The following UNC13C variants were observed in gnomAD, a reference collection of about 807,000 sequenced individuals.
UNC13C encodes the protein protein unc-13 homolog C.
UNC13C carries 174 observed loss-of-function variants against 245.4 expected under a neutral mutation model. The ratio of observed to expected loss-of-function variants is 0.71; its 90% CI spans 0.63 to 0.80. UNC13C has a LOEUF of 0.80. Ranked by LOEUF, UNC13C falls within the 30% of genes least tolerant of loss-of-function variation. UNC13C has a pLI of 0.00. For missense variants in UNC13C, 2,829 were observed against 2,602.9 expected, an observed-to-expected ratio of 1.09 and a Z score of -1.89; for synonymous variants, 992 against 895.1, an observed-to-expected ratio of 1.11 and a Z score of -1.93.
At chr15:54,226,576 C>T (rs546587122) in intron 4 of UNC13C, among the ~76,000 whole-genome samples, 7 of 152,154 alleles carry the variant, frequency 4.6e-5, no homozygotes, top group Non-Finnish European at 1.0e-4. Flanking sequence ...GCCAACTGTG[C>T]TTGGCTTACG....
At chr15:54,266,159 C>T (rs2036544876) in intron 10 of UNC13C, among the ~76,000 whole-genome samples, 1 of 151,816 alleles carries the variant, frequency 6.6e-6, no homozygotes, top group Non-Finnish European at 1.5e-5. Context: ...TTTGCAAATG[C>T]TTTAAACAGG....
At chr15:53,891,241 T>C in the UNC13C span, among the ~76,000 whole-genome samples, 2 of 152,232 alleles carry the variant, frequency 1.3e-5, no homozygotes, top group African/African-American at 4.8e-5. Context: ...TTTGTTATGA[T>C]TTCCATTGTT....
intron 18 of UNC13C, among the ~76,000 whole-genome samples, chr15:54,411,126 T>TC (rs1174764776): frequency 2.0e-5 from 3 of 152,200 alleles, no homozygotes; most frequent in Non-Finnish European, 2.9e-5. Flanking sequence ...TGTGTTTATT[T>TC]CCCATCTAAT....
chr15:54,358,277 G>A (rs1375629672), intron 17 of UNC13C, among the ~76,000 whole-genome samples: 1 of 151,994 alleles, frequency 6.6e-6, no homozygotes. Flanking sequence ...CATTCTTTTT[G>A]ATTAAAATTG....
At chr15:54,445,393 G>C (rs1890752692) in intron 19 of UNC13C, among the ~76,000 whole-genome samples, 1 of 152,154 alleles carries the variant, frequency 6.6e-6, no homozygotes, top group Admixed American at 6.5e-5. Context: ...TTCTACAATG[G>C]TTGAACTAGT....
chr15:54,100,061 C>G, intron 2 of UNC13C, among the ~76,000 whole-genome samples: 1 of 145,296 alleles, frequency 6.9e-6, no homozygotes, highest in Non-Finnish European at 1.5e-5. Context: ...GATCCTGCTA[C>G]TGCTACCGCA....
chr15:54,253,616 G>A (rs1042825592), intron 8 of UNC13C, among the ~76,000 whole-genome samples: 19 of 152,142 alleles, frequency 1.2e-4, no homozygotes, highest in Middle Eastern at 3.2e-3. Flanking sequence ...AAAGCATTTG[G>A]TGGTGAAATA....
intron 14 of UNC13C, among the ~76,000 whole-genome samples, chr15:54,329,671 A>G (rs554130130): frequency 1.3e-5 from 2 of 152,178 alleles, no homozygotes; most frequent in South Asian, 4.1e-4. Flanking sequence ...CCTGCTGTTT[A>G]AAGAATCTCT....
intron 2 of UNC13C, among the ~76,000 whole-genome samples, chr15:54,017,233 A>C (rs1180452999): frequency 2.0e-5 from 3 of 151,992 alleles, no homozygotes; most frequent in Non-Finnish European, 4.4e-5. Flanking sequence ...TTTTTTTTGC[A>C]GGGATGGGTA....
chr15:54,354,119 G>T (rs777140413), intron 17 of UNC13C, among the ~76,000 whole-genome samples: 22 of 152,080 alleles, frequency 1.4e-4, no homozygotes, highest in Non-Finnish European at 2.8e-4. Flanking sequence ...CATCAATTAG[G>T]AAGCTATTGA....
chr15:54,316,054 C>T (rs927274935), intron 13 of UNC13C, among the ~76,000 whole-genome samples: 1 of 151,852 alleles, frequency 6.6e-6, no homozygotes, highest in Non-Finnish European at 1.5e-5. Flanking sequence ...TATTTAAAAT[C>T]CAGATCTGAT....
chr15:54,152,857 GA>G (rs778816230), intron 4 of UNC13C, among the ~76,000 whole-genome samples: 24 of 145,540 alleles, frequency 1.6e-4, no homozygotes, highest in African/African-American at 4.5e-4. Context: ...GTCTTAGAGA[GA>G]AAAAAAAAAG....
At chr15:54,070,952 A>G (rs1046102784) in intron 2 of UNC13C, among the ~76,000 whole-genome samples, 1 of 152,214 alleles carries the variant, frequency 6.6e-6, no homozygotes, top group African/African-American at 2.4e-5. Context: ...TAGAAGATAT[A>G]TAATTTATTA....
chr15:54,494,234 T>C lies in UNC13C; in HGVS notation c.4934-374T>C, dbSNP rs118162566. ...GTACCCTAAAACTTAAAGAATAATT[T>C]TAAAAAAAGAATTTTAATTCTCTCT... On this transcript the variant is annotated intron_variant, in intron 19 of 32. Transcript: ENST00000260323. Among the ~76,000 whole-genome samples the C allele has an allele frequency of 6.8e-3, 1,041 of 152,112 alleles. 6 individuals are homozygous for C. The highest frequency in any genetic ancestry group is 0.01 in the Non-Finnish European group (699 of 67,928).
chr15:54,188,708 C>T (rs1461884092), intron 4 of UNC13C, among the ~76,000 whole-genome samples: 3 of 152,146 alleles, frequency 2.0e-5, no homozygotes, highest in East Asian at 3.9e-4. Flanking sequence ...ATGTGTCAGA[C>T]ACTCTAAAAG....
At position 54,559,937 on chromosome 15, in the gene UNC13C, A is replaced by G. The variant is rs190786573; in HGVS notation, c.5958+4425A>G. ...CACCAAAGTAAAGAATCTCAACTTT[A>G]GTTTGTCAGCAAAAGAGAAACACTG... is the stretch of plus-strand genomic sequence containing the variant. On this transcript the variant is annotated intron_variant, in intron 29 of 32. Transcript: ENST00000260323. 5.9e-5 allele frequency among the ~76,000 whole-genome samples: 9 copies of G among 152,166 alleles called. No individual in the cohort carries two copies. The East Asian group carries it at 1.7e-3, about 30-fold the overall frequency.
At chr15:54,375,985 T>G (rs755045706) in intron 17 of UNC13C, among the ~76,000 whole-genome samples, 1 of 152,204 alleles carries the variant, frequency 6.6e-6, no homozygotes, top group Non-Finnish European at 1.5e-5. Flanking sequence ...TTAATCACAA[T>G]ATTTTATTTT....
At chr15:53,973,305 A>T (rs76232315), upstream of UNC13C, among the ~76,000 whole-genome samples, 1 of 152,168 alleles carries the variant, frequency 6.6e-6, no homozygotes, top group South Asian at 2.1e-4. Context: ...GATTATTGCT[A>T]GCTAATATTT....
intron 10 of UNC13C, among the ~76,000 whole-genome samples, chr15:54,292,564 A>G (rs1391187531): frequency 6.6e-6 from 1 of 151,980 alleles, no homozygotes. Flanking sequence ...GAGACATTAT[A>G]CTCAGGAATT....
Sources: allele counts gnomAD v4.1 joint callset (sites outside exome capture counted in the v4.1 genomes callset), GRCh38; gene constraint gnomAD v4.1.1; transcripts MANE v1.5; gene names NCBI Gene and HGNC (gene_info 2026-07-23, HGNC 2026-07-21).